Variants in PIP5K1A observed in about 807,000 individuals in gnomAD.
The protein encoded by PIP5K1A is phosphatidylinositol-4-phosphate 5-kinase type 1 alpha.
Under a neutral mutation model 72.9 loss-of-function variants are expected in PIP5K1A, and 46 were observed. The observed-to-expected ratio is 0.63, with a 90% CI of 0.50 to 0.81. The LOEUF (loss-of-function observed/expected upper bound fraction) is 0.81. Among genes scored for constraint, PIP5K1A ranks in the 30% least tolerant of loss-of-function variants. The pLI is 0.00. For missense variants in PIP5K1A, 458 were observed against 706.1 expected (o/e 0.65, Z 3.98); for synonymous variants, 228 against 255.1 (o/e 0.89, Z 1.01).
chr1:151,206,052 A>G (rs756373948), intron 1 of PIP5K1A, among the ~76,000 whole-genome samples: 1 of 152,238 alleles, frequency 6.6e-6, no homozygotes, highest in South Asian at 2.1e-4. Context: ...GCCCTTTCCC[A>G]TCTAAACAGA....
At chr1:151,247,233 G>A (rs1692636998) in intron 15 of PIP5K1A, among the ~76,000 whole-genome samples, 1 of 151,712 alleles carries the variant, frequency 6.6e-6, no homozygotes, top group Non-Finnish European at 1.5e-5. Flanking sequence ...GGTTCAAGCA[G>A]TTCTCCTGTC....
intron 14 of PIP5K1A, among the ~76,000 whole-genome samples, chr1:151,245,562 G>GTCT (rs1692379493): frequency 6.6e-6 from 1 of 152,134 alleles, no homozygotes; most frequent in Non-Finnish European, 1.5e-5. Context: ...TGCCAACAGG[G>GTCT]TCTCCCTCTG....
intron 4 of PIP5K1A, among the ~76,000 whole-genome samples, chr1:151,228,772 C>CT (rs1284713837): frequency 3.3e-5 from 5 of 152,110 alleles, no homozygotes; most frequent in Admixed American, 2.0e-4. Flanking sequence ...TGTTCATTCT[C>CT]TATTTCATTG....
intron 7 of PIP5K1A, 22 bp from the exon 8 acceptor site, chr1:151,234,175 C>A (rs1365029382): frequency 6.4e-7 from 1 of 1,563,764 alleles, no homozygotes; most frequent in East Asian, 2.3e-5. Flanking sequence ...TCTCCTACTT[C>A]TGTTTCCTTT....
chr1:151,214,864 G>A (rs900864925), intron 1 of PIP5K1A, among the ~76,000 whole-genome samples: 2 of 151,652 alleles, frequency 1.3e-5, no homozygotes, highest in Non-Finnish European at 2.9e-5. Flanking sequence ...CTACAGGCTT[G>A]CGCCACCACA....
At chr1:151,231,826 A>T in intron 5 of PIP5K1A, 25 bp downstream of exon 5, 1 of 1,611,632 alleles carries the variant, frequency 6.2e-7, no homozygotes, top group Non-Finnish European at 8.5e-7. Context: ...GTTCAGGAGC[A>T]TGTCCTGGAA....
chr1:151,197,824 A>G, upstream of PIP5K1A: 1 of 317,354 alleles, frequency 3.2e-6, no homozygotes, highest in Admixed American at 4.6e-5. Context: ...CAGGGTTCAT[A>G]GCCTACGGGG....
chr1:151,223,685 AAAT>A (rs1047253534), intron 1 of PIP5K1A, among the ~76,000 whole-genome samples: 5 of 151,254 alleles, frequency 3.3e-5, no homozygotes, highest in Non-Finnish European at 7.4e-5. Context: ...TCCATCTAAA[AAAT>A]AAAAATTAAA....
chr1:151,225,384 T>C (rs1688961368), intron 3 of PIP5K1A, among the ~76,000 whole-genome samples: 3 of 152,280 alleles, frequency 2.0e-5, no homozygotes, highest in African/African-American at 7.2e-5. Context: ...ATTGATGTTA[T>C]GAAGAGTAAC....
chr1:151,235,958 T>C (rs1359826275), intron 8 of PIP5K1A, among the ~76,000 whole-genome samples: 1 of 150,416 alleles, frequency 6.6e-6, no homozygotes, highest in Non-Finnish European at 1.5e-5. Flanking sequence ...CCAACTCTAC[T>C]AAAAATACAA....
At chr1:151,246,395 A>G (rs1163722706) in intron 14 of PIP5K1A, among the ~76,000 whole-genome samples, 1 of 152,158 alleles carries the variant, frequency 6.6e-6, no homozygotes, top group Non-Finnish European at 1.5e-5. Context: ...GGTTGTTGGC[A>G]GTATTCGGTT....
chr1:151,216,931 G>A (rs1311580692), intron 1 of PIP5K1A, among the ~76,000 whole-genome samples: 1 of 5,576 alleles, frequency 1.8e-4, no homozygotes, highest in East Asian at 7.2e-3. Flanking sequence ...TTTTTTTTTT[G>A]AGACGGAGTC....
chr1:151,221,203 G>A (rs1688351890), intron 1 of PIP5K1A, among the ~76,000 whole-genome samples: 1 of 152,144 alleles, frequency 6.6e-6, no homozygotes, highest in Admixed American at 6.6e-5. Context: ...AACATAAGTT[G>A]TTTGGTCATA....
rs771475886 is a variant in PIP5K1A at position 151,224,266 on chromosome 1, C to T, written c.107C>T (p.Pro36Leu). Residue 36 changes from proline (P) to leucine (L), a missense_variant, in exon 2 of 16, where the codon CCC becomes CTC. Physicochemically the swap from Pro to Leu is moderately conservative, Grantham distance 98. Transcript: ENST00000368888. ...LSSAASGIKR[P>L]MASEVLEARQ... Reference sequence around the variant, plus strand: ...CTAGCAGCATCTGGAATCAAGAGACCCATGGCATCTGAGGTGAGTTTCATA... The same window carrying T: ...CTAGCAGCATCTGGAATCAAGAGACTCATGGCATCTGAGGTGAGTTTCATA... 2.5e-6 allele frequency: 4 copies of T among 1,613,246 alleles called. No individual in the cohort carries two copies. Among genetic ancestry groups the T allele is most frequent in the Non-Finnish European group, 3.4e-6 (4 of 1,179,512 alleles).
intron 15 of PIP5K1A, among the ~76,000 whole-genome samples, chr1:151,247,407 G>A (rs587647698): frequency 8.4e-4 from 128 of 152,046 alleles, no homozygotes; most frequent in African/African-American, 2.9e-3. Flanking sequence ...GATTACAGCC[G>A]TGAGCCATTG....
intron 1 of PIP5K1A, among the ~76,000 whole-genome samples, chr1:151,216,235 G>A (rs969139653): frequency 7.2e-5 from 11 of 152,030 alleles, no homozygotes; most frequent in Non-Finnish European, 1.5e-4. Context: ...TGTAGTCCCA[G>A]CTACTCGGGA....
At chr1:151,234,155 G>T (rs755914690) in intron 7 of PIP5K1A, 42 bp from the exon 8 acceptor site, 5 of 1,499,208 alleles carry the variant, frequency 3.3e-6, no homozygotes, top group Non-Finnish European at 4.5e-6. Context: ...CTGAAAATCA[G>T]CTAAGTTGTT....
Position 151,198,882 on chromosome 1 carries a change from A to T in PIP5K1A, c.-115A>T. On this transcript the variant is annotated 5_prime_UTR_variant, in exon 1 of 16. Transcript: ENST00000368888. ...GAGGGAGGCCCCGGAGGGGGCGGGG[A>T]GGTGGCCCACAGAACGCGGGTTCTG... The T allele has an allele frequency of 1.0e-6, 1 of 981,796 alleles. No individual in the cohort carries two copies. Among genetic ancestry groups the T allele is most frequent in the South Asian group, 1.4e-5 (1 of 71,236 alleles). 60.8% of individuals were successfully genotyped at this position (981,796 alleles called of 1,614,324 possible). A position where few individuals can be genotyped will look rare whatever the true frequency, so the allele number is the denominator to read the frequency against.
chr1:151,216,051 C>T, intron 1 of PIP5K1A: 1 of 974,104 alleles, frequency 1.0e-6, no homozygotes, highest in Non-Finnish European at 1.5e-6. Context: ...CTTACAGTAA[C>T]TAGCAGCCAA....
Sources: gnomAD v4.1 joint callset for allele counts (sites outside exome capture counted in the v4.1 genomes callset) on GRCh38, gnomAD v4.1.1 for gene constraint, MANE v1.5 for transcripts, NCBI Gene and HGNC (gene_info 2026-07-23, HGNC 2026-07-21) for gene names.